The following NAV2 variants were observed in gnomAD, a reference collection of about 807,000 sequenced individuals.
NAV2 encodes the protein neuron navigator 2, also known as helicase, APC down-regulated 1.
NAV2 carries 54 observed loss-of-function variants against 223.2 expected under a neutral mutation model. That is an observed-to-expected ratio of 0.24 (90% CI 0.19 to 0.30). The LOEUF is 0.30. Ranked by LOEUF, NAV2 falls within the 10% of genes least tolerant of loss-of-function variation. NAV2 has a pLI of 1.00. For synonymous variants in NAV2, 1,279 were observed against 1,239.3 expected, an observed-to-expected ratio of 1.03 and a Z score of -0.67; for missense variants, 2,806 against 3,147.5, an observed-to-expected ratio of 0.89 and a Z score of 2.60.
intron 1 of NAV2, among the ~76,000 whole-genome samples, chr11:19,798,334 T>G (rs2058049578): frequency 6.6e-6 from 1 of 152,202 alleles, no homozygotes; most frequent in Non-Finnish European, 1.5e-5. Flanking sequence ...GCAGAGAGCT[T>G]GAAGCTTTTG....
intron 5 of NAV2, among the ~76,000 whole-genome samples, chr11:19,885,938 C>G (rs2040927097): frequency 6.6e-6 from 1 of 152,182 alleles, no homozygotes; most frequent in Non-Finnish European, 1.5e-5. Flanking sequence ...CTTGCTCACT[C>G]TGTTACCCAG....
At chr11:19,638,742 G>T (rs190989659) in intron 1 of NAV2, among the ~76,000 whole-genome samples, 6 of 152,318 alleles carry the variant, frequency 3.9e-5, no homozygotes, top group Admixed American at 3.9e-4. Context: ...GAAGCAGAGA[G>T]AATACACTTT....
At chr11:20,020,753 C>T (rs1256792284) in intron 11 of NAV2, among the ~76,000 whole-genome samples, 1 of 152,110 alleles carries the variant, frequency 6.6e-6, no homozygotes, top group Admixed American at 6.6e-5. Flanking sequence ...TCTATTAAAC[C>T]TCCAATGTAT....
chr11:19,944,473 T>C (rs1459456031), intron 8 of NAV2, among the ~76,000 whole-genome samples: 1 of 151,724 alleles, frequency 6.6e-6, no homozygotes, highest in Non-Finnish European at 1.5e-5. Context: ...TTCTTTTCTC[T>C]TCTTCTCCTT....
intron 1 of NAV2, among the ~76,000 whole-genome samples, chr11:19,676,212 G>A (rs1465452677): frequency 6.6e-6 from 1 of 152,132 alleles, no homozygotes; most frequent in Non-Finnish European, 1.5e-5. Flanking sequence ...GAATATTTTA[G>A]GTTGCAAGAT....
chr11:19,932,233 A>G lies in NAV2; in HGVS notation c.932-943A>G, dbSNP rs573464549. On this transcript the variant is annotated intron_variant, in intron 6 of 37. Transcript: ENST00000349880. ...AACCCATTGCATAGATTACACTCTT[A>G]AGCAAAAAAAAAAAAAAAAAAAAAA... is the stretch of plus-strand genomic sequence containing the variant. 2.9e-3 allele frequency among the ~76,000 whole-genome samples: 365 copies of G among 125,328 alleles called. 2 individuals are homozygous for G. Among genetic ancestry groups the G allele is most frequent in the Admixed American group, 5.9e-3 (72 of 12,204 alleles). 82.2% of individuals were successfully genotyped at this position (125,328 alleles called of 152,430 possible). A position where few individuals can be genotyped will look rare whatever the true frequency, so the allele number is the denominator to read the frequency against.
intron 1 of NAV2, among the ~76,000 whole-genome samples, chr11:19,508,852 T>G (rs1326766252): frequency 6.6e-6 from 1 of 152,210 alleles, no homozygotes; most frequent in Non-Finnish European, 1.5e-5. Flanking sequence ...ACATCTGCCC[T>G]GGGGGAAAAG....
At chr11:19,780,398 G>A (rs2056636508) in intron 1 of NAV2, among the ~76,000 whole-genome samples, 1 of 152,196 alleles carries the variant, frequency 6.6e-6, no homozygotes, top group South Asian at 2.1e-4. Flanking sequence ...AAATTCTTTG[G>A]ACTTAGGCAG....
At chr11:19,545,073 A>G (rs1314513625) in intron 1 of NAV2, among the ~76,000 whole-genome samples, 1 of 152,206 alleles carries the variant, frequency 6.6e-6, no homozygotes, top group African/African-American at 2.4e-5. Flanking sequence ...CCTTAATCAA[A>G]GACCCTTTCC....
intron 1 of NAV2, among the ~76,000 whole-genome samples, chr11:19,775,429 A>G (rs2056082315): frequency 6.6e-6 from 1 of 152,206 alleles, no homozygotes. Context: ...CTAGCTGTAG[A>G]GGAAGCTGCA....
chr11:19,616,745 G>A (rs2046807395), intron 1 of NAV2, among the ~76,000 whole-genome samples: 1 of 151,978 alleles, frequency 6.6e-6, no homozygotes, highest in Admixed American at 6.6e-5. Context: ...AGGGCTCTCA[G>A]CAAACCCCAG....
chr11:20,048,307 A>G (rs953521476), intron 14 of NAV2, among the ~76,000 whole-genome samples: 5 of 152,250 alleles, frequency 3.3e-5, no homozygotes, highest in African/African-American at 9.6e-5. Flanking sequence ...TTGAGCTGTC[A>G]TAAACTGTGT....
intron 1 of NAV2, among the ~76,000 whole-genome samples, chr11:19,563,166 T>A (rs1185505313): frequency 6.6e-6 from 1 of 152,148 alleles, no homozygotes; most frequent in African/African-American, 2.4e-5. Flanking sequence ...TTAGAGAAGA[T>A]CCGAAATCTT....
At chr11:20,051,864 AACAAG>A (rs2058033243) in intron 17 of NAV2, among the ~76,000 whole-genome samples, 2 of 152,220 alleles carry the variant, frequency 1.3e-5, no homozygotes, top group Non-Finnish European at 1.5e-5. Flanking sequence ...TTCATTGCCC[AACAAG>A]ACATGGGTGT....
intron 11 of NAV2, among the ~76,000 whole-genome samples, chr11:19,985,301 G>GTTC (rs1486398043): frequency 6.6e-6 from 1 of 152,144 alleles, no homozygotes; most frequent in East Asian, 1.9e-4. Flanking sequence ...GAATCTTCAT[G>GTTC]TTCTCTCAGG....
intron 1 of NAV2, among the ~76,000 whole-genome samples, chr11:19,653,453 A>G (rs1413438291): frequency 1.3e-5 from 2 of 152,224 alleles, no homozygotes; most frequent in Admixed American, 6.5e-5. Flanking sequence ...GAGCTCACGA[A>G]TATTCCTCAC....
intron 1 of NAV2, among the ~76,000 whole-genome samples, chr11:19,481,561 C>T (rs1196156970): frequency 6.6e-6 from 1 of 152,198 alleles, no homozygotes; most frequent in African/African-American, 2.4e-5. Flanking sequence ...GCCCTCTAAA[C>T]CTCTGCTCTT....
At position 20,001,000 on chromosome 11, in the gene NAV2, T is replaced by C. The variant is rs368133210; in HGVS notation, c.2768+16753T>C. Reference sequence around the variant, plus strand: ...GTGCCACCTGCCTGCTGAAAACCCTTTGTGGCTCTGTGTCACATACAGGAT... The same window carrying C: ...GTGCCACCTGCCTGCTGAAAACCCTCTGTGGCTCTGTGTCACATACAGGAT... On this transcript the variant is annotated intron_variant, in intron 11 of 37. Coordinates refer to ENST00000349880, the MANE Select transcript of NAV2 (RefSeq NM_145117.5). Among the ~76,000 whole-genome samples the C allele has an allele frequency of 2.6e-5, 4 of 152,274 alleles. No individual in the cohort carries two copies. The South Asian group carries it at 8.3e-4, about 32-fold the overall frequency.
At chr11:19,537,204 T>G (rs969227644) in intron 1 of NAV2, among the ~76,000 whole-genome samples, 8 of 152,154 alleles carry the variant, frequency 5.3e-5, no homozygotes, top group African/African-American at 1.9e-4. Flanking sequence ...TGTGATATTT[T>G]ATTTAATTGT....
Sources: allele counts gnomAD v4.1 joint callset (sites outside exome capture counted in the v4.1 genomes callset), GRCh38; gene constraint gnomAD v4.1.1; transcripts MANE v1.5; gene names NCBI Gene and HGNC (gene_info 2026-07-23, HGNC 2026-07-21).